Variants in CENPP observed in about 807,000 individuals in gnomAD.
CENPP encodes the protein centromere protein P.
A neutral mutation model predicts 35.6 loss-of-function variants in CENPP; 24 were observed. The observed-to-expected ratio is 0.67, with a 90% CI of 0.49 to 0.95. The LOEUF is 0.95. CENPP is among the 40% of genes least tolerant of loss of function. The pLI, the probability that CENPP is intolerant of heterozygous loss-of-function variation, is 0.00. For missense variants in CENPP, 332 were observed against 345.3 expected (o/e 0.96, Z 0.31); for synonymous variants, 120 against 125.5 (o/e 0.96, Z 0.29).
chr9:92,551,925 G>GTATATA (rs143120429), intron 5 of CENPP, among the ~76,000 whole-genome samples: 2,246 of 84,434 alleles, frequency 0.027, 71 homozygotes, highest in South Asian at 0.034. Context: ...TGGTGTGTGT[G>GTATATA]TATATATATA....
chr9:92,555,876 G>A (rs933842657), intron 5 of CENPP, among the ~76,000 whole-genome samples: 4 of 151,720 alleles, frequency 2.6e-5, no homozygotes, highest in Non-Finnish European at 5.9e-5. Flanking sequence ...TTTTTTTGTT[G>A]TTGTTTCAAT....
chr9:92,404,497 G>T (rs368437420), intron 5 of CENPP: 4 of 1,287,426 alleles, frequency 3.1e-6, no homozygotes, highest in African/African-American at 3.1e-5. Flanking sequence ...TAAGCCTACC[G>T]TTGTAGCTGT....
chr9:92,465,852 A>C (rs1183515582), intron 5 of CENPP, among the ~76,000 whole-genome samples: 2 of 147,054 alleles, frequency 1.4e-5, no homozygotes, highest in Admixed American at 1.4e-4. Context: ...TTTTTTTTTG[A>C]GATGGAGTTT....
chr9:92,392,963 A>AT, intron 5 of CENPP: 7 of 670,666 alleles, frequency 1.0e-5, no homozygotes, highest in Non-Finnish European at 1.7e-5. Flanking sequence ...AACATGTTAG[A>AT]TATTTATGTA....
At chr9:92,601,768 GTC>G (rs1178799790) in intron 5 of CENPP, among the ~76,000 whole-genome samples, 1 of 152,218 alleles carries the variant, frequency 6.6e-6, no homozygotes, top group Non-Finnish European at 1.5e-5. Context: ...AAGGGACACA[GTC>G]TCTCCCCAAC....
At chr9:92,586,044 AT>A (rs80214115) in intron 5 of CENPP, among the ~76,000 whole-genome samples, 7,786 of 150,722 alleles carry the variant, frequency 0.052, 237 homozygotes, top group South Asian at 0.1. Flanking sequence ...ATCTGTAGAA[AT>A]TTTTTTTTTC....
At chr9:92,473,389 A>T (rs1257467298) in intron 5 of CENPP, among the ~76,000 whole-genome samples, 1 of 152,172 alleles carries the variant, frequency 6.6e-6, no homozygotes, top group Non-Finnish European at 1.5e-5. Flanking sequence ...ACATATTTTT[A>T]TCTGGAATTT....
intron 5 of CENPP, among the ~76,000 whole-genome samples, chr9:92,570,960 C>A (rs1850122124): frequency 6.6e-6 from 1 of 151,710 alleles, no homozygotes; most frequent in African/African-American, 2.4e-5. Context: ...CTATTTGATT[C>A]TTCTCTCTTT....
intron 5 of CENPP, among the ~76,000 whole-genome samples, chr9:92,552,234 C>T (rs1588269786): frequency 1.3e-5 from 2 of 149,710 alleles, no homozygotes; most frequent in South Asian, 4.2e-4. Context: ...TTTCTTTATC[C>T]ACTTGTTGAT....
chr9:92,457,181 G>C, intron 5 of CENPP: 1 of 1,449,920 alleles, frequency 6.9e-7, no homozygotes, highest in Non-Finnish European at 9.1e-7. Flanking sequence ...CTTGAGAATA[G>C]ATATTTGCTT....
Position 92,618,714 on chromosome 9 carries a change from T to G in CENPP, c.*5565T>G, listed in dbSNP as rs887655080. 2.7e-6 allele frequency: 1 copy of G among 371,482 alleles called. No homozygotes were observed. Among genetic ancestry groups the G allele is most frequent in the Non-Finnish European group, 5.3e-6 (1 of 187,082 alleles). 23.0% of individuals were successfully genotyped at this position (371,482 alleles called of 1,614,324 possible). ...TAGCCCTATAATGTTCCTCAGTATT[T>G]CATATTGGAAAGTAAACAATTCTGT... On this transcript the variant is annotated 3_prime_UTR_variant, in exon 8 of 8. Transcript: ENST00000375587.
At chr9:92,457,613 A>G (rs1056483968) in intron 5 of CENPP, 2 of 693,388 alleles carry the variant, frequency 2.9e-6, no homozygotes, top group Non-Finnish European at 4.8e-6. Context: ...ATGTATTTTC[A>G]GGTAAAGTAG....
At chr9:92,543,662 T>G (rs530280568) in intron 5 of CENPP, among the ~76,000 whole-genome samples, 1 of 152,140 alleles carries the variant, frequency 6.6e-6, no homozygotes, top group South Asian at 2.1e-4. Flanking sequence ...CTAACAATAT[T>G]AATGCTTCTA....
rs775779497 is a variant in CENPP, at chr9:92,500,735, G to T, written c.565-110579G>T. 5 of 1,608,710 alleles carry T rather than the reference G, an allele frequency of 3.1e-6. No homozygotes were observed. The South Asian group carries it at 4.4e-5, about 14-fold the overall frequency. On this transcript the variant is annotated intron_variant, in intron 5 of 7. Coordinates refer to ENST00000375587, the MANE Select transcript of CENPP (RefSeq NM_001012267.3). Reference sequence around the variant, plus strand: ...AAAAAGCCAAAATTTACCGTATCTTGTTGTTGTTCAGCCTCAGAAAATGTA... The same window carrying T: ...AAAAAGCCAAAATTTACCGTATCTTTTTGTTGTTCAGCCTCAGAAAATGTA...
chr9:92,490,889 G>C lies in CENPP; in HGVS notation c.564+111030G>C, dbSNP rs541719010. Reference sequence around the variant, plus strand: ...TTCTGCTCAGTTTCTAAGTTTTTCTGTGAAAATCCTTAAATTTTGCAGGTT... The same window carrying C: ...TTCTGCTCAGTTTCTAAGTTTTTCTCTGAAAATCCTTAAATTTTGCAGGTT... On this transcript the variant is annotated intron_variant, in intron 5 of 7. Transcript: ENST00000375587. Among the ~76,000 whole-genome samples the C allele has an allele frequency of 1.3e-5, 2 of 152,122 alleles. 1 individual carries two copies. The highest frequency in any genetic ancestry group is 1.3e-4 in the Admixed American group (2 of 15,276).
At chr9:92,352,045 C>T (rs1413531645) in intron 4 of CENPP, among the ~76,000 whole-genome samples, 1 of 139,874 alleles carries the variant, frequency 7.1e-6, no homozygotes. Context: ...TTTTTTTAAG[C>T]ACCACACAAG....
At chr9:92,567,305 A>G (rs1849989385) in intron 5 of CENPP, among the ~76,000 whole-genome samples, 1 of 149,502 alleles carries the variant, frequency 6.7e-6, no homozygotes, top group South Asian at 2.1e-4. Context: ...TGATTATAAG[A>G]GACTAATACT....
chr9:92,439,965 C>G (rs967775687), intron 5 of CENPP, among the ~76,000 whole-genome samples: 1 of 152,114 alleles, frequency 6.6e-6, no homozygotes, highest in Non-Finnish European at 1.5e-5. Flanking sequence ...TTGCTTTCCC[C>G]CATTTGAGTT....
intron 5 of CENPP, among the ~76,000 whole-genome samples, chr9:92,551,977 G>A (rs369409876): frequency 0.015 from 941 of 61,620 alleles, 66 homozygotes; most frequent in African/African-American, 0.14. Flanking sequence ...TGATATATAT[G>A]TGTGTGTATA....
Sources: allele counts gnomAD v4.1 joint callset (sites outside exome capture counted in the v4.1 genomes callset), GRCh38; gene constraint gnomAD v4.1.1; transcripts MANE v1.5; gene names NCBI Gene and HGNC (gene_info 2026-07-23, HGNC 2026-07-21).